Variants in STK26 observed in about 807,000 individuals in gnomAD.
The protein encoded by STK26 is serine/threonine kinase 26.
In STK26, 14 loss-of-function variants were observed where a neutral mutation model predicts 34.7. The ratio of observed to expected loss-of-function variants is 0.40; its 90% CI spans 0.27 to 0.63. The LOEUF (loss-of-function observed/expected upper bound fraction) is 0.63. Ranked by LOEUF, STK26 falls within the 30% of genes least tolerant of loss-of-function variation. STK26 has a pLI of 0.38. For missense variants in STK26, 226 were observed against 309.1 expected (o/e 0.73, Z 2.02); for synonymous variants, 100 against 109.8 (o/e 0.91, Z 0.56).
At chrX:132,067,857 T>C (rs1315240089) in intron 4 of STK26, among the ~76,000 whole-genome samples, 1 of 111,640 alleles carries the variant, frequency 9.0e-6, no homozygotes, top group Non-Finnish European at 1.9e-5. Context: ...CTGATTTCTC[T>C]TTTTTTCCAT....
At chrX:132,073,288 T>C (rs1403659238) in intron 11 of STK26, among the ~76,000 whole-genome samples, 195 bp downstream of exon 11, 2 of 112,515 alleles carry the variant, frequency 1.8e-5, no homozygotes, top group Non-Finnish European at 3.8e-5. Flanking sequence ...TGATTATCTT[T>C]AGGCATGACA....
chrX:132,031,551 T>G (rs1925839485), intron 2 of STK26, among the ~76,000 whole-genome samples: 1 of 112,225 alleles, frequency 8.9e-6, no homozygotes, highest in Admixed American at 9.4e-5. Context: ...AGTGAGAACA[T>G]GCAGTATTTG....
At chrX:132,046,969 T>C (rs1007222401) in intron 2 of STK26, among the ~76,000 whole-genome samples, 3 of 112,447 alleles carry the variant, frequency 2.7e-5, no homozygotes, top group African/African-American at 9.7e-5. Context: ...AATAACATTT[T>C]CATTGTACAC....
rs775413650 is a variant in STK26, at chrX:132,028,263, A to G, written c.42+4604A>G. ...ATATGTTTAGTACTATGAAGAAAAAATTAATTACCAGGCTTAATAATTAGC... is the reference window on the plus strand; with the variant it reads ...ATATGTTTAGTACTATGAAGAAAAAGTTAATTACCAGGCTTAATAATTAGC... On this transcript the variant is annotated intron_variant, in intron 2 of 11. Transcript: ENST00000394334. Among the ~76,000 whole-genome samples, 304 of 110,511 alleles carry G rather than the reference A, an allele frequency of 2.8e-3. 1 individual carries two copies. The highest frequency in any genetic ancestry group is 9.5e-3 in the African/African-American group (288 of 30,323).
At chrX:132,071,440 G>A (rs1180676432) in intron 8 of STK26, among the ~76,000 whole-genome samples, 4 of 111,705 alleles carry the variant, frequency 3.6e-5, no homozygotes, top group African/African-American at 1.3e-4. Flanking sequence ...AATGGTCTTG[G>A]TCTAACCCCT....
intron 2 of STK26, among the ~76,000 whole-genome samples, chrX:132,030,125 T>G (rs1925775499): frequency 8.9e-6 from 1 of 112,155 alleles, no homozygotes; most frequent in East Asian, 2.8e-4. Context: ...CTATACTTAT[T>G]TAAATGATTT....
chrX:132,068,647 C>T, intron 6 of STK26, 78 bp downstream of exon 6: 1 of 950,880 alleles, frequency 1.1e-6, no homozygotes, highest in Non-Finnish European at 1.4e-6. Context: ...TAATACACTG[C>T]CTTATTTTTC....
At chrX:132,062,790 T>G (rs1039239291) in intron 3 of STK26, among the ~76,000 whole-genome samples, 2 of 112,118 alleles carry the variant, frequency 1.8e-5, no homozygotes, top group Non-Finnish European at 3.8e-5. Flanking sequence ...TTACTAATAG[T>G]TCAACAATAA....
chrX:132,031,064 G>A lies in STK26; in HGVS notation c.42+7405G>A, dbSNP rs182210982. Among the ~76,000 whole-genome samples, 485 of 110,547 alleles carry A rather than the reference G, an allele frequency of 4.4e-3. 3 individuals are homozygous for A. The highest frequency in any genetic ancestry group is 0.015 in the African/African-American group (459 of 30,309). On this transcript the variant is annotated intron_variant, in intron 2 of 11. Coordinates refer to ENST00000394334, the MANE Select transcript of STK26 (RefSeq NM_016542.4). ...TGATCCTCCCACCTCATCCTCCTGA[G>A]TAGCTGGGATTACAGGTTGTCGCCA...
chrX:132,069,806 T>C (rs1328890953), intron 7 of STK26, 143 bp downstream of exon 7: 1 of 322,559 alleles, frequency 3.1e-6, no homozygotes, highest in African/African-American at 2.7e-5. Flanking sequence ...TCCTTCTGTA[T>C]TGCTATTTCT....
At chrX:132,057,499 A>G (rs1408030611) in intron 3 of STK26, among the ~76,000 whole-genome samples, 3 of 111,162 alleles carry the variant, frequency 2.7e-5, no homozygotes, top group Non-Finnish European at 5.7e-5. Flanking sequence ...ATTGTTAAAT[A>G]GGCCCTTGAA....
In STK26 at chrX:132,068,446, T is replaced by G; in HGVS notation, c.474T>G (p.Val158=). 8.3e-7 allele frequency: 1 copy of G among 1,211,498 alleles called. No homozygotes were observed. The change falls in exon 6 of 12, where the codon GTT becomes GTG. Residue 158 remains valine, a synonymous_variant. Transcript: ENST00000394334. ...TCTTGCTCTCAGAACAAGGAGATGT[T>G]AAACTTGCTGATTTTGGAGTTGCTG... ...ANVLLSEQGD[V]KLADFGVAGQ... is the part of the protein sequence containing the mutation.
intron 2 of STK26, among the ~76,000 whole-genome samples, chrX:132,034,292 C>CT (rs561602079): frequency 0.2 from 8,021 of 40,997 alleles, 2,150 homozygotes; most frequent in East Asian, 0.37. Context: ...GACATTTATT[C>CT]TTTTTTTTTT....
intron 7 of STK26, among the ~76,000 whole-genome samples, 179 bp downstream of exon 7, chrX:132,069,842 T>C (rs1383000667): frequency 9.0e-6 from 1 of 110,968 alleles, no homozygotes; most frequent in Non-Finnish European, 1.9e-5. Flanking sequence ...AGATTCTTCA[T>C]TCTTTTTCTC....
At chrX:132,024,904 G>A (rs1272846236) in intron 2 of STK26, among the ~76,000 whole-genome samples, 1 of 109,506 alleles carries the variant, frequency 9.1e-6, no homozygotes, top group Non-Finnish European at 1.9e-5. Context: ...AGTCTGGGTT[G>A]AGTCTCAGGA....
intron 2 of STK26, among the ~76,000 whole-genome samples, chrX:132,052,418 G>A (rs1389008163): frequency 9.0e-6 from 1 of 111,525 alleles, no homozygotes; most frequent in Non-Finnish European, 1.9e-5. Flanking sequence ...ATTGTTAGAT[G>A]CAAAATAAAA....
rs757705241 is a variant in STK26, at chrX:132,041,741, AT to A, written c.43-12881del. ...TAAGTTCCTAAACAGACTATATAGC[AT>A]TTTTTTTTAAGGAAAAAGATCAACT... On this transcript the variant is annotated intron_variant, in intron 2 of 11. Transcript: ENST00000394334. Among the ~76,000 whole-genome samples, 473 of 109,212 alleles carry A rather than the reference AT, an allele frequency of 4.3e-3. 2 individuals carry two copies. Among genetic ancestry groups the A allele is most frequent in the African/African-American group, 0.015 (452 of 30,175 alleles). 94.8% of individuals were successfully genotyped at this position (109,212 alleles called of 115,157 possible). A position where few individuals can be genotyped will look rare whatever the true frequency, so the allele number is the denominator to read the frequency against.
In STK26 at chrX:132,074,961, A is replaced by G. The variant is rs956732482; in HGVS notation, c.*802A>G. On this transcript the variant is annotated 3_prime_UTR_variant, in exon 12 of 12. Transcript: ENST00000394334. ...ACATCTTCAACTAAAATCCCATACT[A>G]TCTGCTTGGATTTGGAGAGCCAAAA... is the stretch of plus-strand genomic sequence containing the variant. 8.9e-6 allele frequency: 1 copy of G among 111,792 alleles called. No individual in the cohort carries two copies. The highest frequency in any genetic ancestry group is 3.2e-5 in the African/African-American group (1 of 30,770). 9.2% of individuals were successfully genotyped at this position (111,792 alleles called of 1,213,427 possible).
chrX:132,033,758 A>G (rs1300794448), intron 2 of STK26, among the ~76,000 whole-genome samples: 1 of 111,620 alleles, frequency 9.0e-6, no homozygotes, highest in African/African-American at 3.3e-5. Flanking sequence ...CTTGCTGTCT[A>G]TCTTTGAAAT....
Sources: gnomAD v4.1 joint callset for allele counts (sites outside exome capture counted in the v4.1 genomes callset) on GRCh38, gnomAD v4.1.1 for gene constraint, MANE v1.5 for transcripts, NCBI Gene and HGNC (gene_info 2026-07-23, HGNC 2026-07-21) for gene names.